The following DRG2 variants were observed in gnomAD, a reference collection of about 807,000 sequenced individuals.
The protein encoded by DRG2 is developmentally regulated GTP binding protein 2.
Under a neutral mutation model 53.4 loss-of-function variants are expected in DRG2, and 36 were observed. The ratio of observed to expected loss-of-function variants is 0.67; its 90% confidence interval spans 0.52 to 0.89. DRG2 has a LOEUF of 0.89. Among genes scored for constraint, DRG2 ranks in the 40% least tolerant of loss-of-function variants. The pLI, the probability that DRG2 is intolerant of heterozygous loss-of-function variation, is 0.00. For missense variants in DRG2, 342 were observed against 481.2 expected, an observed-to-expected ratio of 0.71 and a Z score of 2.71; for synonymous variants, 167 against 192.1, an observed-to-expected ratio of 0.87 and a Z score of 1.08.
At chr17:18,090,406 ATTTT>A (rs1186716416) in intron 1 of DRG2, among the ~76,000 whole-genome samples, 5 of 22,696 alleles carry the variant, frequency 2.2e-4, no homozygotes, top group Non-Finnish European at 2.9e-4. Context: ...ATATATATAT[ATTTT>A]TTTTTTTTTT....
At chr17:18,106,211 G>T in intron 11 of DRG2, 1 of 580,830 alleles carries the variant, frequency 1.7e-6, no homozygotes, top group Non-Finnish European at 3.1e-6. Context: ...ACCACAGCTG[G>T]CAGATCAGGA....
intron 9 of DRG2, among the ~76,000 whole-genome samples, chr17:18,102,890 C>A (rs2045565511): frequency 6.6e-6 from 1 of 152,184 alleles, no homozygotes; most frequent in Non-Finnish European, 1.5e-5. Context: ...CTCTTTGGGG[C>A]AGACTGATTC....
At chr17:18,089,362 AC>A (rs1390564830) in intron 1 of DRG2, among the ~76,000 whole-genome samples, 1 of 151,066 alleles carries the variant, frequency 6.6e-6, no homozygotes, top group Non-Finnish European at 1.5e-5. Context: ...CTGGTCTCAA[AC>A]TCCTGACCTC....
chr17:18,103,990 C>G lies in DRG2; in HGVS notation c.895+101C>G, dbSNP rs2045583558. 8.7e-7 allele frequency: 1 copy of G among 1,154,096 alleles called. No homozygotes were observed. Among genetic ancestry groups the G allele is most frequent in the African/African-American group, 1.5e-5 (1 of 66,044 alleles). The allele number at this position is 1,154,096 out of a possible 1,614,324, so 71.5% of individuals were successfully genotyped here. A position where few individuals can be genotyped will look rare whatever the true frequency, so the allele number is the denominator to read the frequency against. The stretch of plus-strand genomic sequence containing the variant: ...CCAGAGACCCCAGCACCGGCTCTGG[C>G]CTGGCTTGTCTAGACACACCTCAGC... On this transcript the variant is annotated intron_variant, in intron 10 of 12. Coordinates refer to ENST00000225729, the MANE Select transcript of DRG2 (RefSeq NM_001388.5). This position sits in a 1 kb window ranked among gnomAD's most constrained non-coding sequence, Gnocchi z 4.4.
At position 18,100,234 on chromosome 17, in the gene DRG2, G is replaced by A; in HGVS notation, c.468-129G>A. The A allele has an allele frequency of 1.1e-6, 1 of 919,694 alleles. No individual in the cohort carries two copies. Among genetic ancestry groups the A allele is most frequent in the Admixed American group, 1.8e-5 (1 of 55,566 alleles). The allele number at this position is 919,694 out of a possible 1,614,324, so 57.0% of individuals were successfully genotyped here. A position where few individuals can be genotyped will look rare whatever the true frequency, so the allele number is the denominator to read the frequency against. On this transcript the variant is annotated intron_variant, in intron 5 of 12. Coordinates refer to ENST00000225729, the MANE Select transcript of DRG2 (RefSeq NM_001388.5). This position sits in a 1 kb window ranked among gnomAD's most constrained non-coding sequence, Gnocchi z 4.1. Reference sequence around the variant, plus strand: ...AGGGCATTGGGAAGGAGTGTTCTCTGGGTTGCTGGGGAAGGGGGTGGAGGA... The same window carrying A: ...AGGGCATTGGGAAGGAGTGTTCTCTAGGTTGCTGGGGAAGGGGGTGGAGGA...
In DRG2 at chr17:18,106,475, G is replaced by A. The variant is rs2045634672; in HGVS notation, c.997G>A (p.Ala333Thr). ...HRSLASQFKY[A>T]LVWGTSTKYS... ...GTCACTCGCCAGCCAGTTCAAGTAC[G>A]CCCTGGTGTGGGTGAGTCTCTGGGT... is the stretch of plus-strand genomic sequence containing the variant. Residue 333 changes from alanine (A) to threonine (T), a missense_variant, in exon 12 of 13, where the codon GCC (alanine) becomes ACC (threonine). Transcript: ENST00000225729. 3 of 1,613,800 alleles carry A rather than the reference G, an allele frequency of 1.9e-6. No individual in the cohort carries two copies. The highest frequency in any genetic ancestry group is 1.3e-5 in the African/African-American group (1 of 74,894).
At chr17:18,092,173 A>G (rs1188779871) in intron 1 of DRG2, 2 of 151,504 alleles carry the variant, frequency 1.3e-5, no homozygotes, top group African/African-American at 2.4e-5. Context: ...TAGAAAAGGA[A>G]AAAAAGAAAG....
At chr17:18,088,109 C>A (rs368934815) in intron 1 of DRG2, 22 bp downstream of exon 1, 35 of 1,536,828 alleles carry the variant, frequency 2.3e-5, no homozygotes, top group Non-Finnish European at 2.9e-5. Flanking sequence ...CCGGGCGGGG[C>A]CTTCCTTTCT....
Position 18,106,496 on chromosome 17 carries a change from TG to T in DRG2, c.1008+13del, listed in dbSNP as rs2045634987. ...GTACGCCCTGGTGTGGGTGAGTCTCTGGGTGGAAAGCAACCAGGGGGGTAGA... is the reference window on the plus strand; with the variant it reads ...GTACGCCCTGGTGTGGGTGAGTCTCTGGTGGAAAGCAACCAGGGGGGTAGA... On this transcript the variant is annotated intron_variant, in intron 12 of 12. Coordinates refer to ENST00000225729, the MANE Select transcript of DRG2 (RefSeq NM_001388.5). 6.2e-7 allele frequency: 1 copy of T among 1,613,688 alleles called. No homozygotes were observed. Among genetic ancestry groups the T allele is most frequent in the Non-Finnish European group, 8.5e-7 (1 of 1,179,856 alleles).
intron 9 of DRG2, 84 bp downstream of exon 9, chr17:18,102,081 G>C: frequency 1.4e-6 from 2 of 1,428,904 alleles, no homozygotes; most frequent in Non-Finnish European, 1.9e-6. Context: ...CACTTTGGCT[G>C]TGGAGGAGGA....
rs9903865 is a variant in DRG2, at chr17:18,101,388, G to A, written c.632-105G>A. The A allele has an allele frequency of 8.3e-3, 8,452 of 1,021,170 alleles. 215 individuals carry two copies. Among genetic ancestry groups the A allele is most frequent in the African/African-American group, 0.075 (4,736 of 62,940 alleles). The allele number at this position is 1,021,170 out of a possible 1,614,324, so 63.3% of individuals were successfully genotyped here. ...AAACCTCACAAGCAGATACCGCCAC[G>A]GTCCCACACGGCCAGCATATTTCCT... is the stretch of plus-strand genomic sequence containing the variant. On this transcript the variant is annotated intron_variant, in intron 7 of 12. Coordinates refer to ENST00000225729, the MANE Select transcript of DRG2 (RefSeq NM_001388.5).
chr17:18,102,718 G>A (rs1192882182), intron 9 of DRG2, among the ~76,000 whole-genome samples: 1 of 151,824 alleles, frequency 6.6e-6, no homozygotes, highest in African/African-American at 2.4e-5. Flanking sequence ...CTGGTGCTCT[G>A]GAAGGTGTGG....
chr17:18,094,177 G>C (rs902605857), intron 2 of DRG2: 7 of 613,804 alleles, frequency 1.1e-5, no homozygotes, highest in African/African-American at 1.9e-5. Flanking sequence ...AGCCCTACTT[G>C]GTCTTCCGAC....
rs754920926 is a variant in DRG2, at chr17:18,103,805, G to A, written c.811G>A (p.Gly271Ser). The A allele has an allele frequency of 2.2e-5, 35 of 1,613,978 alleles. No homozygotes were observed. Among genetic ancestry groups the A allele is most frequent in the Non-Finnish European group, 2.5e-5 (30 of 1,180,042 alleles). ...RKPNSVVISC[G>S]MKLNLDYLLE... ...TGGCCGCCTCCCTCTTTGCAGCTGC[G>A]GCATGAAGCTGAACCTGGACTATCT... is the stretch of plus-strand genomic sequence containing the variant. The change falls in exon 10 of 13, where the codon GGC becomes AGC. Residue 271 changes from glycine to serine, a missense_variant. By Grantham distance (56) the Gly-to-Ser change is moderately conservative. Coordinates refer to ENST00000225729, the MANE Select transcript of DRG2 (RefSeq NM_001388.5). The surrounding 1 kb of genome is among the most constrained non-coding windows in gnomAD (Gnocchi z 4.4).
intron 1 of DRG2, among the ~76,000 whole-genome samples, chr17:18,089,403 G>A (rs1418817541): frequency 6.6e-6 from 1 of 152,128 alleles, no homozygotes; most frequent in Admixed American, 6.5e-5. Flanking sequence ...GCCTCCCAAA[G>A]TGCTGGGATT....
At chr17:18,090,733 C>T (rs1249293136) in intron 1 of DRG2, among the ~76,000 whole-genome samples, 2 of 150,016 alleles carry the variant, frequency 1.3e-5, no homozygotes, top group East Asian at 2.0e-4. Flanking sequence ...CACGGTCTCA[C>T]TATGTTGCCC....
chr17:18,098,545 T>C lies in DRG2; in HGVS notation c.315+186T>C. 1 of 552,934 alleles carries C rather than the reference T, an allele frequency of 1.8e-6. No individual in the cohort carries two copies. Among genetic ancestry groups the C allele is most frequent in the Non-Finnish European group, 3.3e-6 (1 of 306,064 alleles). The allele number at this position is 552,934 out of a possible 1,614,324, so 34.3% of individuals were successfully genotyped here. A position where few individuals can be genotyped will look rare whatever the true frequency, so the allele number is the denominator to read the frequency against. ...CTAGCTGCTGGACCCCAGAGATGCC[T>C]GGTGGGGCCTGGAACTAGGAGGTCA... On this transcript the variant is annotated intron_variant, in intron 3 of 12. Transcript: ENST00000225729. The surrounding 1 kb of genome is among the most constrained non-coding windows in gnomAD (Gnocchi z 4.1).
At chr17:18,106,402 C>A (rs1205839588) in intron 11 of DRG2, 31 bp from the exon 12 acceptor site, 6 of 1,613,636 alleles carry the variant, frequency 3.7e-6, no homozygotes, top group Admixed American at 3.3e-5. Context: ...TGAAGCCTCA[C>A]CTCTCTACCT....
chr17:18,099,172 C>A lies in DRG2; in HGVS notation c.376+95C>A. The A allele has an allele frequency of 6.6e-7, 1 of 1,509,636 alleles. No individual in the cohort carries two copies. The highest frequency in any genetic ancestry group is 9.1e-7 in the Non-Finnish European group (1 of 1,093,680). 93.5% of individuals were successfully genotyped at this position (1,509,636 alleles called of 1,614,324 possible). A position where few individuals can be genotyped will look rare whatever the true frequency, so the allele number is the denominator to read the frequency against. The stretch of plus-strand genomic sequence containing the variant: ...CTGTCATGGAGATCACTCTGGATCC[C>A]TGGTCCATTATCCCGCTTTCCAGAA... On this transcript the variant is annotated intron_variant, in intron 4 of 12. Transcript: ENST00000225729. The surrounding 1 kb of genome is among the most constrained non-coding windows in gnomAD (Gnocchi z 4.4).
Sources: allele counts gnomAD v4.1 joint callset (sites outside exome capture counted in the v4.1 genomes callset), GRCh38; gene constraint gnomAD v4.1.1; non-coding constraint Gnocchi (gnomAD v3.1); transcripts MANE v1.5; gene names NCBI Gene and HGNC (gene_info 2026-07-23, HGNC 2026-07-21).